The following RALGAPB variants were observed in gnomAD, a reference collection of about 807,000 sequenced individuals.
The protein encoded by RALGAPB is Ral GTPase activating protein non-catalytic subunit beta.
A neutral mutation model predicts 161.1 loss-of-function variants in RALGAPB; 25 were observed. That is an observed-to-expected ratio of 0.16 (90% CI 0.11 to 0.22). The LOEUF (loss-of-function observed/expected upper bound fraction) is 0.22. Ranked by LOEUF, RALGAPB falls within the 10% of genes least tolerant of loss-of-function variation. RALGAPB has a pLI of 1.00. For synonymous variants in RALGAPB, 629 were observed against 626.1 expected, an observed-to-expected ratio of 1.00 and a Z score of -0.07; for missense variants, 1,391 against 1,815.2, an observed-to-expected ratio of 0.77 and a Z score of 4.25.
Position 38,577,205 on chromosome 20 carries a change from A to C in RALGAPB, c.*2238A>C, listed in dbSNP as rs2088469563. On this transcript the variant is annotated 3_prime_UTR_variant, in exon 30 of 30. Transcript: ENST00000262879. The stretch of plus-strand genomic sequence containing the variant: ...TTCTGCTCACAATAACATCTGCCCA[A>C]AGAGGGAGTGGGAAGAACGCTTAGC... 3 of 152,200 alleles carry C rather than the reference A, an allele frequency of 2.0e-5. 1 individual carries two copies. The South Asian group carries it at 6.2e-4, about 32-fold the overall frequency. The allele number at this position is 152,200 out of a possible 1,614,324, so 9.4% of individuals were successfully genotyped here.
chr20:38,559,172 A>G (rs1210269071), intron 23 of RALGAPB, among the ~76,000 whole-genome samples: 1 of 152,270 alleles, frequency 6.6e-6, no homozygotes, highest in Non-Finnish European at 1.5e-5. Flanking sequence ...AACTGAAATA[A>G]CGAAGGTTAG....
intron 20 of RALGAPB, 109 bp from the exon 21 acceptor site, chr20:38,550,962 A>C: frequency 3.1e-6 from 4 of 1,303,174 alleles, no homozygotes; most frequent in Non-Finnish European, 4.2e-6. Flanking sequence ...AGTTTTTGTG[A>C]CATGTAATCC....
chr20:38,485,841 G>A (rs766763786), intron 1 of RALGAPB, among the ~76,000 whole-genome samples: 33 of 151,628 alleles, frequency 2.2e-4, no homozygotes, highest in Non-Finnish European at 3.7e-4. Context: ...TAATATATCC[G>A]TAATTATAAT....
chr20:38,501,802 G>T (rs950042032), intron 5 of RALGAPB, among the ~76,000 whole-genome samples: 13 of 152,094 alleles, frequency 8.5e-5, no homozygotes, highest in African/African-American at 3.1e-4. Flanking sequence ...ATTAAAAATA[G>T]TGGAAAATTT....
intron 5 of RALGAPB, among the ~76,000 whole-genome samples, chr20:38,508,348 T>G (rs1187841520): frequency 6.6e-6 from 1 of 151,936 alleles, no homozygotes; most frequent in Non-Finnish European, 1.5e-5. Flanking sequence ...TCAGAATCAC[T>G]GATACACAAG....
At chr20:38,542,863 C>T in intron 18 of RALGAPB, among the ~76,000 whole-genome samples, 1 of 148,896 alleles carries the variant, frequency 6.7e-6, no homozygotes, top group Non-Finnish European at 1.5e-5. Context: ...GATTCCATCT[C>T]AGAAAAAAAA....
chr20:38,517,428 G>A (rs2086160234), intron 7 of RALGAPB, 78 bp from the exon 8 acceptor site: 1 of 1,418,804 alleles, frequency 7.0e-7, no homozygotes, highest in Non-Finnish European at 9.5e-7. Context: ...GCCTTCACTA[G>A]GTTACTGGGA....
chr20:38,476,385 T>G lies in RALGAPB; in HGVS notation c.-31+3316T>G, dbSNP rs116605392. ...GTGCATGGAGTTTCATTCTAACTTT[T>G]TATAGATGCGGAAAGTAACTTGGTC... On this transcript the variant is annotated intron_variant, in intron 1 of 29. Transcript: ENST00000262879. 9.4e-3 allele frequency among the ~76,000 whole-genome samples: 1,427 copies of G among 152,302 alleles called. 23 individuals carry two copies. The highest frequency in any genetic ancestry group is 0.032 in the African/African-American group (1,345 of 41,552).
chr20:38,562,579 A>G lies in RALGAPB; in HGVS notation c.3579A>G (p.Leu1193=). The part of the protein sequence containing the change: ...ESSRTVQPHF[L]EFLLSLGWSV... Reference sequence around the variant, plus strand: ...CCAGAACTGTTCAGCCACATTTCCTAGAATTTTTGCTTTCCCTTGGCTGGT... The same window carrying G: ...CCAGAACTGTTCAGCCACATTTCCTGGAATTTTTGCTTTCCCTTGGCTGGT... Residue 1193 remains leucine (L), a synonymous_variant, in exon 24 of 30, where the codon CTA becomes CTG. Transcript: ENST00000262879. 6.2e-7 allele frequency: 1 copy of G among 1,613,510 alleles called. No individual in the cohort carries two copies. Among genetic ancestry groups the G allele is most frequent in the Non-Finnish European group, 8.5e-7 (1 of 1,179,476 alleles).
intron 16 of RALGAPB, among the ~76,000 whole-genome samples, chr20:38,536,129 G>T (rs577729932): frequency 5.2e-4 from 79 of 152,260 alleles, no homozygotes; most frequent in African/African-American, 1.6e-3. Flanking sequence ...CCATGAAGCA[G>T]TTTTGCTTCA....
At chr20:38,517,257 A>C (rs1400242983) in intron 7 of RALGAPB, among the ~76,000 whole-genome samples, 2 of 152,230 alleles carry the variant, frequency 1.3e-5, no homozygotes, top group African/African-American at 4.8e-5. Context: ...TTTATGGTCA[A>C]AATATGGCCA....
chr20:38,569,872 C>G lies in RALGAPB; in HGVS notation c.3955-16C>G, dbSNP rs2088165143. 1 of 1,600,814 alleles carries G rather than the reference C, an allele frequency of 6.2e-7. No homozygotes were observed. The highest frequency in any genetic ancestry group is 8.6e-7 in the Non-Finnish European group (1 of 1,168,806). On this transcript the variant is annotated splice_polypyrimidine_tract_variant and intron_variant, in intron 26 of 29. Coordinates refer to ENST00000262879, the MANE Select transcript of RALGAPB (RefSeq NM_020336.4). ...TGTTGTTTTTCCCGCTCTCTGTCTT[C>G]TTCTTCTTCATGTAGCTCAGTCCCA...
rs17832123 is a variant in RALGAPB at position 38,498,169 on chromosome 20, G to A, written c.553+653G>A. 1.7e-3 allele frequency among the ~76,000 whole-genome samples: 261 copies of A among 152,122 alleles called. 1 individual carries two copies. The highest frequency in any genetic ancestry group is 0.011 in the Admixed American group (175 of 15,268). On this transcript the variant is annotated intron_variant, in intron 4 of 29. Coordinates refer to ENST00000262879, the MANE Select transcript of RALGAPB (RefSeq NM_020336.4). Reference sequence around the variant, plus strand: ...TATCAAAGTAGAGTCTGAAAACTTGGTAGTGACAAGATATTTTACTCAGCA... The same window carrying A: ...TATCAAAGTAGAGTCTGAAAACTTGATAGTGACAAGATATTTTACTCAGCA...
At chr20:38,522,857 C>T (rs2086331766) in intron 10 of RALGAPB, among the ~76,000 whole-genome samples, 1 of 152,190 alleles carries the variant, frequency 6.6e-6, no homozygotes, top group African/African-American at 2.4e-5. Context: ...TGCAGTATGG[C>T]CTCATGAAGA....
At position 38,533,069 on chromosome 20, in the gene RALGAPB, A is replaced by G. The variant is rs180673549; in HGVS notation, c.2245+210A>G. ...GGTAGTATATTAGATTTGGGGTAGT[A>G]TATTAGGTTTTATAATTGATAGTAA... is the stretch of plus-strand genomic sequence containing the variant. On this transcript the variant is annotated intron_variant, in intron 15 of 29. Transcript: ENST00000262879. 1.3e-3 allele frequency among the ~76,000 whole-genome samples: 193 copies of G among 152,222 alleles called. 1 individual carries two copies. Among genetic ancestry groups the G allele is most frequent in the Admixed American group, 0.011 (170 of 15,298 alleles).
intron 14 of RALGAPB, among the ~76,000 whole-genome samples, chr20:38,531,622 G>C (rs2086652614): frequency 6.6e-6 from 1 of 152,126 alleles, no homozygotes; most frequent in Non-Finnish European, 1.5e-5. Context: ...CTAGACCTAA[G>C]TTTGCAGGTC....
At chr20:38,566,114 A>C (rs2087988057) in intron 25 of RALGAPB, among the ~76,000 whole-genome samples, 1 of 152,206 alleles carries the variant, frequency 6.6e-6, no homozygotes, top group African/African-American at 2.4e-5. Context: ...GATCATTTGT[A>C]GGATGGGATA....
At chr20:38,540,031 A>G in intron 17 of RALGAPB, 73 bp downstream of exon 17, 4 of 1,363,062 alleles carry the variant, frequency 2.9e-6, no homozygotes, top group Non-Finnish European at 4.1e-6. Context: ...TTGAAAGAGA[A>G]TATCTAAATT....
intron 16 of RALGAPB, 103 bp downstream of exon 16, chr20:38,535,310 C>T: frequency 7.5e-7 from 1 of 1,337,206 alleles, no homozygotes; most frequent in South Asian, 1.4e-5. Flanking sequence ...GTTGATCATG[C>T]TCAAACATAG....
Sources: gnomAD v4.1 joint callset for allele counts (sites outside exome capture counted in the v4.1 genomes callset) on GRCh38, gnomAD v4.1.1 for gene constraint, MANE v1.5 for transcripts, NCBI Gene and HGNC (gene_info 2026-07-23, HGNC 2026-07-21) for gene names.